The following NAP1L1 variants were observed in gnomAD, a reference collection of about 807,000 sequenced individuals.
NAP1L1 encodes nucleosome assembly protein 1 like 1.
NAP1L1 carries 9 observed loss-of-function variants against 58.9 expected under a neutral mutation model. The ratio of observed to expected loss-of-function variants is 0.15; its 90% CI spans 0.09 to 0.27. The LOEUF (loss-of-function observed/expected upper bound fraction) is 0.27, where lower values mean the gene tolerates loss of function less well. Among genes scored for constraint, NAP1L1 ranks in the 10% least tolerant of loss-of-function variants. NAP1L1 has a pLI of 1.00. For synonymous variants in NAP1L1, 130 were observed against 138.3 expected (o/e 0.94, Z 0.42); for missense variants, 302 against 458.8 (o/e 0.66, Z 3.12).
chr12:76,061,120 A>C (rs1032044709), intron 4 of NAP1L1: 4 of 380,150 alleles, frequency 1.1e-5, no homozygotes, highest in Non-Finnish European at 1.6e-5. Flanking sequence ...CTTTGATGAG[A>C]TAAAGTTCAT....
At chr12:76,080,112 C>T (rs968781564) in intron 1 of NAP1L1, among the ~76,000 whole-genome samples, 27 of 152,226 alleles carry the variant, frequency 1.8e-4, no homozygotes, top group African/African-American at 6.3e-4. Flanking sequence ...CATTACCCAA[C>T]TGCAGTCACA....
chr12:76,068,777 C>CACA (rs1355763625), intron 3 of NAP1L1, 132 bp downstream of exon 3: 4 of 646,592 alleles, frequency 6.2e-6, no homozygotes, highest in African/African-American at 3.7e-5. Context: ...CACACACACA[C>CACA]ACTAGAAGTA....
In NAP1L1 at chr12:76,039,288, T is replaced by TCC. The variant is rs1008619802; in HGVS notation, c.*9139_*9140dup. Reference sequence around the variant, plus strand: ...GGTTGGATGCCAGTAGCCTTTAGCCTCCTTCAGCCCATCCTGTACCTTGAA... The same window carrying TCC: ...GGTTGGATGCCAGTAGCCTTTAGCCTCCCCTTCAGCCCATCCTGTACCTTGAA... On this transcript the variant is annotated 3_prime_UTR_variant, in exon 15 of 15. Transcript: ENST00000618691. The TCC allele has an allele frequency of 3.5e-4, 53 of 152,282 alleles. No homozygotes were observed. Among genetic ancestry groups the TCC allele is most frequent in the African/African-American group, 1.3e-3 (52 of 41,562 alleles). 9.4% of individuals were successfully genotyped at this position (152,282 alleles called of 1,614,324 possible). A position where few individuals can be genotyped will look rare whatever the true frequency, so the allele number is the denominator to read the frequency against.
intron 14 of NAP1L1, chr12:76,048,933 G>A (rs925828937): frequency 3.7e-5 from 18 of 481,278 alleles, no homozygotes; most frequent in Middle Eastern, 5.7e-4. Context: ...GTTACAAATC[G>A]TCCCATTAAA....
intron 5 of NAP1L1, 32 bp downstream of exon 5, chr12:76,060,106 G>GT: frequency 6.3e-7 from 1 of 1,596,008 alleles, no homozygotes; most frequent in Non-Finnish European, 8.5e-7. Flanking sequence ...CTTCTAGAAT[G>GT]TTAAATTAAA....
At position 76,067,399 on chromosome 12, in the gene NAP1L1, C is replaced by A. The variant is rs1949731002; in HGVS notation, c.178G>T (p.Val60Leu). ...TCAATGTATCCTGTTGGTGTTTCTA[C>A]CAGACCATCAAGTCTTTCTTGAAGG... ...AALQERLDGL[V>L]ETPTGYIESL... is the part of the protein sequence containing the mutation. Residue 60 changes from valine to leucine, a missense_variant, in exon 4 of 15, where the codon GTA (valine) becomes TTA (leucine). Val to Leu is a conservative substitution (Grantham distance 32). Transcript: ENST00000618691. 1 of 1,609,500 alleles carries A rather than the reference C, an allele frequency of 6.2e-7. No individual in the cohort carries two copies. The highest frequency in any genetic ancestry group is 1.7e-5 in the Admixed American group (1 of 59,934).
intron 1 of NAP1L1, among the ~76,000 whole-genome samples, chr12:76,081,408 C>T (rs1295464470): frequency 1.3e-5 from 2 of 152,124 alleles, no homozygotes; most frequent in Non-Finnish European, 1.5e-5. Context: ...TTATGCTCTT[C>T]TGTACCCTCT....
rs1035093726 is a variant in NAP1L1, at chr12:76,039,852, CTGAT to C, written c.*8573_*8576del. The C allele has an allele frequency of 4.6e-5, 7 of 152,168 alleles. No individual in the cohort carries two copies. The highest frequency in any genetic ancestry group is 1.0e-4 in the Non-Finnish European group (7 of 68,038). 9.4% of individuals were successfully genotyped at this position (152,168 alleles called of 1,614,324 possible). A position where few individuals can be genotyped will look rare whatever the true frequency, so the allele number is the denominator to read the frequency against. On this transcript the variant is annotated 3_prime_UTR_variant, in exon 15 of 15. Transcript: ENST00000618691. ...CGAACACTTAGTTCTCCCCAAATTG[CTGAT>C]TAATACTGTAAACTGAAATCCCACT...
At position 76,060,237 on chromosome 12, in the gene NAP1L1, G is replaced by T. The variant is rs1318343714; in HGVS notation, c.249C>A (p.Asn83Lys). Residue 83 changes from asparagine to lysine, a missense_variant, in exon 5 of 15, where the codon AAC becomes AAA. Transcript: ENST00000618691. ...VVKRRVNALK[N>K]LQVKCAQIEA... is the part of the protein sequence containing the mutation. ...CTATCTGTGCACATTTAACTTGCAG[G>T]TTTTTGAGAGCATTCACTCGTCTTT... 4 of 1,613,772 alleles carry T rather than the reference G, an allele frequency of 2.5e-6. No individual in the cohort carries two copies. Among genetic ancestry groups the T allele is most frequent in the Non-Finnish European group, 2.5e-6 (3 of 1,179,886 alleles).
At chr12:76,048,501 C>T (rs1948679234) in intron 14 of NAP1L1, 37 bp from the exon 15 acceptor site, 2 of 1,610,462 alleles carry the variant, frequency 1.2e-6, no homozygotes, top group Non-Finnish European at 1.7e-6. Context: ...CTATCTTCTT[C>T]TACCTGCTTC....
intron 1 of NAP1L1, chr12:76,084,122 TC>T (rs1485344797): frequency 1.3e-5 from 2 of 149,394 alleles, no homozygotes; most frequent in African/African-American, 5.0e-5. Flanking sequence ...GCGGCCTCCC[TC>T]CTGGTATTAT....
intron 1 of NAP1L1, among the ~76,000 whole-genome samples, chr12:76,077,311 G>A (rs1030154735): frequency 6.6e-6 from 1 of 152,164 alleles, no homozygotes; most frequent in Non-Finnish European, 1.5e-5. Flanking sequence ...TTTCTTGGTT[G>A]TAAGATAGAC....
chr12:76,051,681 T>C (rs965517155), intron 11 of NAP1L1, among the ~76,000 whole-genome samples: 2 of 152,246 alleles, frequency 1.3e-5, no homozygotes. Flanking sequence ...TTCTATTTAA[T>C]AGAAAAGCAC....
chr12:76,066,050 GT>G (rs1401696540), intron 4 of NAP1L1, among the ~76,000 whole-genome samples: 1 of 138,110 alleles, frequency 7.2e-6, no homozygotes, highest in African/African-American at 2.7e-5. Flanking sequence ...AGTGAATAGT[GT>G]TTAAAAAAAA....
chr12:76,079,251 T>G (rs1055725429), intron 1 of NAP1L1, among the ~76,000 whole-genome samples: 17 of 152,158 alleles, frequency 1.1e-4, no homozygotes, highest in African/African-American at 3.4e-4. Context: ...TGAGGCCATG[T>G]GCGGTAGCTC....
chr12:76,044,582 T>A lies in NAP1L1; in HGVS notation c.*3847A>T, dbSNP rs1223301161. 1.3e-5 allele frequency: 2 copies of A among 152,180 alleles called. No homozygotes were observed. Among genetic ancestry groups the A allele is most frequent in the Non-Finnish European group, 2.9e-5 (2 of 68,032 alleles). 9.4% of individuals were successfully genotyped at this position (152,180 alleles called of 1,614,324 possible). A position where few individuals can be genotyped will look rare whatever the true frequency, so the allele number is the denominator to read the frequency against. Reference sequence around the variant, plus strand: ...AGCCCACTGTAAGTCAAAAATATCATAAGTAGAAGATGTGTTTAATACTCC... The same window carrying A: ...AGCCCACTGTAAGTCAAAAATATCAAAAGTAGAAGATGTGTTTAATACTCC... On this transcript the variant is annotated 3_prime_UTR_variant, in exon 15 of 15. Coordinates refer to ENST00000618691, the MANE Select transcript of NAP1L1 (RefSeq NM_004537.7).
intron 4 of NAP1L1, among the ~76,000 whole-genome samples, chr12:76,063,380 T>C (rs1015544230): frequency 4.6e-5 from 7 of 152,030 alleles, no homozygotes; most frequent in Non-Finnish European, 1.0e-4. Flanking sequence ...ACTTGATCTA[T>C]CCAATGGGAA....
In NAP1L1 at chr12:76,050,672, A is replaced by C. The variant is rs375885699; in HGVS notation, c.937-19T>G. ...CATCATCCTATTTTTAAAGGAAAAC[A>C]AAAGCAGAAAATTTAGGAATAACTG... is the stretch of plus-strand genomic sequence containing the variant. On this transcript the variant is annotated intron_variant, in intron 11 of 14. Transcript: ENST00000618691. 8.2e-6 allele frequency: 13 copies of C among 1,592,332 alleles called. No individual in the cohort carries two copies. Among genetic ancestry groups the C allele is most frequent in the Non-Finnish European group, 1.1e-5 (13 of 1,173,522 alleles).
chr12:76,065,532 TAAA>T (rs10711705), intron 4 of NAP1L1, among the ~76,000 whole-genome samples: 1 of 142,826 alleles, frequency 7.0e-6, no homozygotes. Flanking sequence ...AAGAGCAACT[TAAA>T]AAAAAAAAAA....
Sources: allele counts gnomAD v4.1 joint callset (sites outside exome capture counted in the v4.1 genomes callset), GRCh38; gene constraint gnomAD v4.1.1; transcripts MANE v1.5; gene names NCBI Gene and HGNC (gene_info 2026-07-23, HGNC 2026-07-21).